COL6A2: variants seen among roughly 807,000 people sequenced by gnomAD.
COL6A2 encodes the protein collagen alpha-2(VI) chain.
Under a neutral mutation model 124.9 loss-of-function variants are expected in COL6A2, and 90 were observed. The ratio of observed to expected loss-of-function variants is 0.72; its 90% CI spans 0.61 to 0.86. The LOEUF (loss-of-function observed/expected upper bound fraction) is 0.86, where lower values mean the gene tolerates loss of function less well. Among genes scored for constraint, COL6A2 ranks in the 40% least tolerant of loss-of-function variants. The probability of loss-of-function intolerance (pLI) is 0.00; values close to 1 mark genes in which losing one functional copy is unlikely to be tolerated. For synonymous variants in COL6A2, 793 were observed against 618.2 expected (o/e 1.28, Z -4.19); for missense variants, 1,607 against 1,502.5 (o/e 1.07, Z -1.15).
chr21:46,113,872 C>T (rs578064022), intron 4 of COL6A2, 136 bp from the exon 5 acceptor site: 17 of 752,790 alleles, frequency 2.3e-5, no homozygotes, highest in Non-Finnish European at 3.3e-5. Context: ...CCCTCACGCC[C>T]GCCCAGGTTC....
intron 1 of COL6A2, among the ~76,000 whole-genome samples, chr21:46,104,545 A>G (rs975658813): frequency 2.0e-5 from 3 of 152,228 alleles, no homozygotes; most frequent in African/African-American, 7.2e-5. Context: ...TCTGTGGGAT[A>G]CCATCAAGCA....
chr21:46,121,015 G>T (rs1355847299), intron 16 of COL6A2, 46 bp from the exon 17 acceptor site: 2 of 1,567,810 alleles, frequency 1.3e-6, no homozygotes, highest in South Asian at 1.1e-5. Flanking sequence ...ACTCCAGGGT[G>T]CTGCTGTCAG....
chr21:46,105,476 G>A (rs929561439), intron 1 of COL6A2, among the ~76,000 whole-genome samples: 1 of 152,174 alleles, frequency 6.6e-6, no homozygotes. Flanking sequence ...GTGTAATGCT[G>A]CTTTTTGTTT....
At chr21:46,099,916 AT>A (rs2078271020) in intron 1 of COL6A2, among the ~76,000 whole-genome samples, 1 of 45,922 alleles carries the variant, frequency 2.2e-5, no homozygotes, top group African/African-American at 6.1e-5. Flanking sequence ...TTTTTTTCTC[AT>A]TTCATAGATA....
rs2078779646 is a variant in COL6A2 at position 46,132,703 on chromosome 21, G to C, written c.*151G>C. 1 of 789,596 alleles carries C rather than the reference G, an allele frequency of 1.3e-6. No homozygotes were observed. The highest frequency in any genetic ancestry group is 2.0e-6 in the Non-Finnish European group (1 of 493,230). The allele number at this position is 789,596 out of a possible 1,614,324, so 48.9% of individuals were successfully genotyped here. A position where few individuals can be genotyped will look rare whatever the true frequency, so the allele number is the denominator to read the frequency against. Reference sequence around the variant, plus strand: ...CAGCTCCTCCCACGGGGTCCCCGTAGCCCCGGCCCCCGCCCAGCCCCAGGT... The same window carrying C: ...CAGCTCCTCCCACGGGGTCCCCGTACCCCCGGCCCCCGCCCAGCCCCAGGT... On this transcript the variant is annotated 3_prime_UTR_variant, in exon 28 of 28. Transcript: ENST00000300527.
chr21:46,131,885 G>A (rs1420689055), intron 27 of COL6A2, 69 bp from the exon 28 acceptor site: 3 of 1,422,940 alleles, frequency 2.1e-6, no homozygotes, highest in Middle Eastern at 2.3e-4. Context: ...GGGCACAGGT[G>A]CGGGGCTGGC....
Position 46,124,913 on chromosome 21 carries a change from G to A in COL6A2, c.1763G>A (p.Gly588Asp), listed in dbSNP as rs548033066. Reference protein sequence around the residue: ...EGEPGPPGDPGLTECDVMTYV... With the variant: ...EGEPGPPGDPDLTECDVMTYV... ...GAGCCCGGCCCCCCTGGAGACCCCG[G>A]TCTCACGGTAGGTGTCACATGGGGC... is the stretch of plus-strand genomic sequence containing the variant. Residue 588 changes from glycine to aspartate, a missense_variant, in exon 23 of 28, where the codon GGT becomes GAT. Gly to Asp is a moderately conservative substitution (Grantham distance 94, BLOSUM62 -1). This residue lies in a region of COL6A2 where 1,223 missense variants were observed against 1,052.2 expected (regional missense o/e 1.16). Coordinates refer to ENST00000300527, the MANE Select transcript of COL6A2 (RefSeq NM_001849.4). The A allele has an allele frequency of 3.1e-6, 5 of 1,612,910 alleles. No individual in the cohort carries two copies. The African/African-American group carries it at 4.0e-5, about 13-fold the overall frequency.
At chr21:46,105,267 T>C (rs573281094) in intron 1 of COL6A2, among the ~76,000 whole-genome samples, 6 of 152,194 alleles carry the variant, frequency 3.9e-5, no homozygotes, top group Non-Finnish European at 8.8e-5. Context: ...ACACCTGTGG[T>C]CCCAACTACT....
At chr21:46,102,622 A>T (rs1328801057) in intron 1 of COL6A2, among the ~76,000 whole-genome samples, 1 of 151,102 alleles carries the variant, frequency 6.6e-6, no homozygotes, top group Non-Finnish European at 1.5e-5. Context: ...GAATTTTGTC[A>T]TATGGTTTCT....
chr21:46,120,655 G>A, intron 16 of COL6A2, 78 bp downstream of exon 16: 2 of 1,338,378 alleles, frequency 1.5e-6, no homozygotes, highest in Admixed American at 2.9e-5. Flanking sequence ...AAGGTAGGGT[G>A]GCCGGGACTG....
chr21:46,109,415 C>T (rs888582556), intron 1 of COL6A2, among the ~76,000 whole-genome samples: 2 of 152,342 alleles, frequency 1.3e-5, no homozygotes, highest in East Asian at 1.9e-4. Context: ...ACCTTGAGTT[C>T]CCCTCTGGTC....
At position 46,132,366 on chromosome 21, in the gene COL6A2, C is replaced by T. The variant is rs765550338; in HGVS notation, c.2874C>T (p.His958=). The T allele has an allele frequency of 1.6e-5, 26 of 1,608,928 alleles. No homozygotes were observed. The highest frequency in any genetic ancestry group is 1.6e-4 in the Middle Eastern group (1 of 6,084). Residue 958 remains histidine (H), a synonymous_variant, in exon 28 of 28, where the codon CAC becomes CAT. Coordinates refer to ENST00000300527, the MANE Select transcript of COL6A2 (RefSeq NM_001849.4). ...GCGTCACGGGCAACGACAGTCTGCA[C>T]GAGTCGGCGCACTCCATGCGCAAGC... The part of the protein sequence containing the change: ...TDGVTGNDSL[H]ESAHSMRKQN...
chr21:46,111,961 A>G lies in COL6A2; in HGVS notation c.116-18A>G. On this transcript the variant is annotated intron_variant, in intron 2 of 27. Coordinates refer to ENST00000300527, the MANE Select transcript of COL6A2 (RefSeq NM_001849.4). ...GTCCCTCCTGAGGCTGGCTCGTGAC[A>G]GGTCCTGTGCCCCACAGAGAAGACC... 8 of 1,608,058 alleles carry G rather than the reference A, an allele frequency of 5.0e-6. No individual in the cohort carries two copies. Among genetic ancestry groups the G allele is most frequent in the Non-Finnish European group, 6.8e-6 (8 of 1,178,192 alleles).
At chr21:46,103,266 G>A (rs897038021) in intron 1 of COL6A2, among the ~76,000 whole-genome samples, 1 of 152,032 alleles carries the variant, frequency 6.6e-6, no homozygotes, top group Non-Finnish European at 1.5e-5. Context: ...TAGTAGCAAT[G>A]TTGCCACTTT....
intron 27 of COL6A2, chr21:46,129,766 C>G (rs2078736259): frequency 3.0e-6 from 4 of 1,325,902 alleles, no homozygotes; most frequent in East Asian, 3.0e-5. Flanking sequence ...AGGCCCACCC[C>G]AAGTCCAGAA....
intron 1 of COL6A2, among the ~76,000 whole-genome samples, chr21:46,105,767 C>G: frequency 6.6e-6 from 1 of 151,210 alleles, no homozygotes; most frequent in South Asian, 2.1e-4. Context: ...GTTTCACCAT[C>G]AAAAAAATTA....
Position 46,112,355 on chromosome 21 carries a change from C to T in COL6A2, c.492C>T (p.His164=), listed in dbSNP as rs140929054. Residue 164 remains histidine (H), a synonymous_variant, in exon 3 of 28, where the codon CAC becomes CAT. Coordinates refer to ENST00000300527, the MANE Select transcript of COL6A2 (RefSeq NM_001849.4). Reference sequence around the variant, plus strand: ...TCGCCGTGGTCATCACCGACGGCCACGTCACCGGCAGCCCCTGCGGGGGCA... The same window carrying T: ...TCGCCGTGGTCATCACCGACGGCCATGTCACCGGCAGCCCCTGCGGGGGCA... ...VHFAVVITDG[H]VTGSPCGGIK... is the part of the protein sequence containing the mutation. 1.9e-4 allele frequency: 310 copies of T among 1,609,026 alleles called. 2 individuals carry two copies. The African/African-American group carries it at 2.9e-3, about 15-fold the overall frequency.
chr21:46,115,080 G>A (rs1175683929), intron 5 of COL6A2, among the ~76,000 whole-genome samples: 7 of 152,230 alleles, frequency 4.6e-5, no homozygotes, highest in Admixed American at 2.0e-4. Context: ...TGGCAATGCC[G>A]ACCCTACTAC....
At chr21:46,117,303 C>T (rs2078487395) in intron 10 of COL6A2, 97 bp from the exon 11 acceptor site, 2 of 1,250,312 alleles carry the variant, frequency 1.6e-6, no homozygotes, top group Non-Finnish European at 2.3e-6. Context: ...GCGCTGCAGC[C>T]CTGCGGGGCA....
Sources: gnomAD v4.1 joint callset for allele counts (sites outside exome capture counted in the v4.1 genomes callset) on GRCh38, gnomAD v4.1.1 for gene constraint, gnomAD v4.1.1 regional missense constraint, MANE v1.5 for transcripts, NCBI Gene and HGNC (gene_info 2026-07-23, HGNC 2026-07-21) for gene names.